SLC2A9: variants seen among roughly 807,000 people sequenced by gnomAD.
The protein encoded by SLC2A9 is solute carrier family 2, facilitated glucose transporter member 9.
A neutral mutation model predicts 50.6 loss-of-function variants in SLC2A9; 39 were observed. The observed-to-expected ratio is 0.77, with a 90% CI of 0.60 to 1.01. The LOEUF (loss-of-function observed/expected upper bound fraction) is 1.01, where lower values mean the gene tolerates loss of function less well. SLC2A9 is among the 50% of genes least tolerant of loss of function. SLC2A9 has a pLI of 0.00. For synonymous variants in SLC2A9, 324 were observed against 276.9 expected, an observed-to-expected ratio of 1.17 and a Z score of -1.69; for missense variants, 686 against 677.6, an observed-to-expected ratio of 1.01 and a Z score of -0.14.
Position 9,920,815 on chromosome 4 carries a change from G to A in SLC2A9, c.815-243C>T, listed in dbSNP as rs534125106. Among the ~76,000 whole-genome samples, 40 of 152,324 alleles carry A rather than the reference G, an allele frequency of 2.6e-4. No individual in the cohort carries two copies. The South Asian group carries it at 7.5e-3, about 28-fold the overall frequency. Reference sequence around the variant, plus strand: ...GCTGGCTGGGAGAAAAGCTGAGAACGTGGGTCTCTTGACTGTCCGCAACGC... The same window carrying A: ...GCTGGCTGGGAGAAAAGCTGAGAACATGGGTCTCTTGACTGTCCGCAACGC... On this transcript the variant is annotated intron_variant, in intron 6 of 11. Transcript: ENST00000264784.
rs140465483 is a variant in SLC2A9, at chr4:9,949,603, G to A, written c.682-7558C>T. On this transcript the variant is annotated intron_variant, in intron 5 of 11. Transcript: ENST00000264784. ...CTGGCTCTTCTGATCCCTGTACGGG[G>A]CTCTTTCCTTGACATTATTCCTCAG... Among the ~76,000 whole-genome samples the A allele has an allele frequency of 5.3e-5, 8 of 152,286 alleles. No homozygotes were observed. In the East Asian group the frequency reaches 1.5e-3, roughly 29 times the overall value.
At chr4:9,779,299 C>T (rs1016653998), downstream of SLC2A9, among the ~76,000 whole-genome samples, 1 of 152,320 alleles carries the variant, frequency 6.6e-6, no homozygotes, top group South Asian at 2.1e-4. Flanking sequence ...TGGCCAACCT[C>T]CCCAACTGCT....
intron 11 of SLC2A9, among the ~76,000 whole-genome samples, chr4:9,827,627 C>T (rs570381143): frequency 1.3e-5 from 2 of 152,284 alleles, no homozygotes; most frequent in East Asian, 3.9e-4. Flanking sequence ...GACTCTTTGT[C>T]CCTCAGTTTC....
chr4:10,003,454 G>C (rs903676692), intron 2 of SLC2A9, among the ~76,000 whole-genome samples: 2 of 152,192 alleles, frequency 1.3e-5, no homozygotes, highest in Non-Finnish European at 2.9e-5. Flanking sequence ...TTACTGTGAC[G>C]TTGGGAAATG....
At chr4:9,864,024 G>A (rs541823989) in intron 10 of SLC2A9, among the ~76,000 whole-genome samples, 2 of 151,954 alleles carry the variant, frequency 1.3e-5, no homozygotes, top group African/African-American at 2.4e-5. Flanking sequence ...CCCTGGGACT[G>A]GGGGGTTGCC....
At chr4:9,852,485 C>CTCATGA (rs760476820) in intron 10 of SLC2A9, among the ~76,000 whole-genome samples, 2 of 151,930 alleles carry the variant, frequency 1.3e-5, no homozygotes, top group Non-Finnish European at 2.9e-5. Context: ...ATCTCCTGAC[C>CTCATGA]TCATGATCCA....
intron 10 of SLC2A9, among the ~76,000 whole-genome samples, chr4:9,862,460 T>A (rs1296760252): frequency 6.6e-6 from 1 of 152,106 alleles, no homozygotes; most frequent in Non-Finnish European, 1.5e-5. Context: ...GAAATATACA[T>A]GTTAATAAAC....
chr4:9,855,189 A>G (rs1730543439), intron 10 of SLC2A9, among the ~76,000 whole-genome samples: 1 of 152,364 alleles, frequency 6.6e-6, no homozygotes, highest in South Asian at 2.1e-4. Flanking sequence ...TGCAGACAAT[A>G]TAATTTTATA....
At chr4:9,900,480 G>A (rs957182056) in intron 8 of SLC2A9, among the ~76,000 whole-genome samples, 6 of 152,112 alleles carry the variant, frequency 3.9e-5, no homozygotes, top group Non-Finnish European at 7.4e-5. Flanking sequence ...TGGGGTGGGT[G>A]GGAGTGGAAA....
chr4:9,977,753 C>T (rs1395813952), intron 5 of SLC2A9, among the ~76,000 whole-genome samples: 2 of 152,128 alleles, frequency 1.3e-5, no homozygotes, highest in Non-Finnish European at 2.9e-5. Flanking sequence ...CCCCGATGCC[C>T]TACCAGAGGT....
At chr4:9,808,028 C>T (rs1391557586) in intron 3 of SLC2A9, among the ~76,000 whole-genome samples, 1 of 152,198 alleles carries the variant, frequency 6.6e-6, no homozygotes, top group Non-Finnish European at 1.5e-5. Context: ...TGATGGAGCC[C>T]ATAGATAACA....
At chr4:10,001,384 A>G (rs1168496142) in intron 2 of SLC2A9, among the ~76,000 whole-genome samples, 1 of 152,218 alleles carries the variant, frequency 6.6e-6, no homozygotes, top group Non-Finnish European at 1.5e-5. Context: ...GAAGATGGCC[A>G]TCTGTGAGCC....
At chr4:10,010,470 CT>C (rs773890300) in intron 2 of SLC2A9, among the ~76,000 whole-genome samples, 44 of 152,172 alleles carry the variant, frequency 2.9e-4, no homozygotes, top group Non-Finnish European at 5.1e-4. Flanking sequence ...CACGGAACCC[CT>C]GAGCCTGTCG....
chr4:10,016,411 G>A (rs1389165456), intron 2 of SLC2A9, among the ~76,000 whole-genome samples: 1 of 152,164 alleles, frequency 6.6e-6, no homozygotes, highest in African/African-American at 2.4e-5. Context: ...TGTCATGAGG[G>A]TGCACTGAGC....
Position 10,037,819 on chromosome 4 carries a change from C to T in SLC2A9, c.-41+2311G>A, listed in dbSNP as rs897507173. ...CACAAAAAATTAGCCAGGCGGGTAGCGCATGCCTGTAATCTCAGCTACTCG... is the reference window on the plus strand; with the variant it reads ...CACAAAAAATTAGCCAGGCGGGTAGTGCATGCCTGTAATCTCAGCTACTCG... On this transcript the variant is annotated intron_variant, in intron 1 of 12. Transcript: ENST00000309065. 2.6e-5 allele frequency among the ~76,000 whole-genome samples: 4 copies of T among 151,988 alleles called. No individual in the cohort carries two copies. In the South Asian group the frequency reaches 6.2e-4, roughly 24 times the overall value.
chr4:9,930,654 C>T (rs1039432550), intron 6 of SLC2A9, among the ~76,000 whole-genome samples: 1 of 152,194 alleles, frequency 6.6e-6, no homozygotes, highest in Non-Finnish European at 1.5e-5. Flanking sequence ...TTGCAGATGT[C>T]TAGTCTGCAG....
intron 10 of SLC2A9, among the ~76,000 whole-genome samples, chr4:9,846,386 T>G (rs904973302): frequency 6.6e-6 from 1 of 152,052 alleles, no homozygotes; most frequent in Non-Finnish European, 1.5e-5. Flanking sequence ...GAGAGGAGCT[T>G]AGACACCCAC....
chr4:9,841,960 TCTC>T (rs1728146414), intron 10 of SLC2A9, among the ~76,000 whole-genome samples: 3 of 152,200 alleles, frequency 2.0e-5, no homozygotes, highest in African/African-American at 4.8e-5. Flanking sequence ...GTTCATAAAA[TCTC>T]CTTCTCTGGT....
At chr4:9,830,072 A>G (rs1402446834) in intron 11 of SLC2A9, among the ~76,000 whole-genome samples, 2 of 152,258 alleles carry the variant, frequency 1.3e-5, no homozygotes, top group Admixed American at 1.3e-4. Flanking sequence ...GTGTATATTT[A>G]TTGCAGCACT....
Sources: allele counts gnomAD v4.1 joint callset (sites outside exome capture counted in the v4.1 genomes callset), GRCh38; gene constraint gnomAD v4.1.1; transcripts MANE v1.5; gene names NCBI Gene and HGNC (gene_info 2026-07-23, HGNC 2026-07-21).